The following MAGI3 variants were observed in gnomAD, a reference collection of about 807,000 sequenced individuals.
The protein encoded by MAGI3 is membrane associated guanylate kinase, WW and PDZ domain containing 3.
A neutral mutation model predicts 121.8 loss-of-function variants in MAGI3; 43 were observed. That is an observed-to-expected ratio of 0.35 (90% CI 0.28 to 0.46). The LOEUF is 0.46. Among genes scored for constraint, MAGI3 ranks in the 20% least tolerant of loss-of-function variants. MAGI3 has a pLI of 1.00. For missense variants in MAGI3, 1,547 were observed against 1,797.3 expected (o/e 0.86, Z 2.52); for synonymous variants, 553 against 639.3 (o/e 0.86, Z 2.04).
At chr1:113,453,853 G>A (rs990492163) in intron 1 of MAGI3, among the ~76,000 whole-genome samples, 6 of 152,346 alleles carry the variant, frequency 3.9e-5, no homozygotes, top group Admixed American at 1.3e-4. Flanking sequence ...AGAGCAACAC[G>A]CAATCTGATT....
At chr1:113,511,494 C>T (rs1004352173) in intron 1 of MAGI3, among the ~76,000 whole-genome samples, 7 of 152,194 alleles carry the variant, frequency 4.6e-5, no homozygotes, top group Non-Finnish European at 1.0e-4. Flanking sequence ...GCCACTCATA[C>T]CTGGTGTGGT....
intron 1 of MAGI3, among the ~76,000 whole-genome samples, chr1:113,398,915 C>T (rs928936134): frequency 2.0e-5 from 3 of 151,868 alleles, no homozygotes; most frequent in Non-Finnish European, 2.9e-5. Flanking sequence ...AGAAAAAAAT[C>T]TTAATTTACA....
chr1:113,623,316 T>A (rs182908108), intron 9 of MAGI3, among the ~76,000 whole-genome samples: 17 of 151,940 alleles, frequency 1.1e-4, no homozygotes, highest in African/African-American at 3.6e-4. Flanking sequence ...ACTCTTTTAG[T>A]TATAAAATAT....
chr1:113,628,999 A>AT (rs2101799268), intron 9 of MAGI3, among the ~76,000 whole-genome samples: 1 of 152,170 alleles, frequency 6.6e-6, no homozygotes, highest in Admixed American at 6.5e-5. Context: ...CCTTTGAATA[A>AT]ACTTTTTACC....
At chr1:113,630,163 AAGAC>A (rs1335752574) in intron 9 of MAGI3, among the ~76,000 whole-genome samples, 1 of 152,096 alleles carries the variant, frequency 6.6e-6, no homozygotes, top group Admixed American at 6.5e-5. Flanking sequence ...TTCAAACCAC[AAGAC>A]AGACAGAATT....
rs565034376 is a variant in MAGI3, at chr1:113,532,356, A to G, written c.317-17159A>G. Among the ~76,000 whole-genome samples, 5 of 151,396 alleles carry G rather than the reference A, an allele frequency of 3.3e-5. No homozygotes were observed. In the South Asian group the frequency reaches 1.0e-3, roughly 31 times the overall value. ...GTCTGCAAATTCCCTTTCAGTCAGT[A>G]TTTATATATATATTATCTTTGTCTT... On this transcript the variant is annotated intron_variant, in intron 1 of 20. Coordinates refer to ENST00000307546, the MANE Select transcript of MAGI3 (RefSeq NM_001142782.2).
intron 2 of MAGI3, among the ~76,000 whole-genome samples, chr1:113,557,058 G>C (rs1660023837): frequency 6.6e-6 from 1 of 152,168 alleles, no homozygotes. Flanking sequence ...AGCAGAGAGG[G>C]GTAGGCACCA....
rs767916506 is a variant in MAGI3, at chr1:113,623,005, T to G, written c.1360+11T>G. On this transcript the variant is annotated intron_variant, in intron 9 of 20. Transcript: ENST00000307546. ...GGAAAATTGCACCAGGTAAGAAATTTTTCATAATTATTTGAAGAGTAGTGA... is the reference window on the plus strand; with the variant it reads ...GGAAAATTGCACCAGGTAAGAAATTGTTCATAATTATTTGAAGAGTAGTGA... 2 of 1,496,196 alleles carry G rather than the reference T, an allele frequency of 1.3e-6. No individual in the cohort carries two copies. Among genetic ancestry groups the G allele is most frequent in the Admixed American group, 5.3e-5 (2 of 37,684 alleles). 92.7% of individuals were successfully genotyped at this position (1,496,196 alleles called of 1,614,324 possible). A position where few individuals can be genotyped will look rare whatever the true frequency, so the allele number is the denominator to read the frequency against.
intron 10 of MAGI3, 67 bp from the exon 11 acceptor site, chr1:113,643,676 A>C (rs370501669): frequency 6.9e-7 from 1 of 1,449,054 alleles, no homozygotes; most frequent in Non-Finnish European, 9.7e-7. Flanking sequence ...TATCGTAAAC[A>C]TTAGCAGTAT....
chr1:113,465,736 A>G (rs1655251836), intron 1 of MAGI3, among the ~76,000 whole-genome samples: 1 of 151,878 alleles, frequency 6.6e-6, no homozygotes, highest in Non-Finnish European at 1.5e-5. Flanking sequence ...GTTGATTCCC[A>G]GGATTTTATA....
In MAGI3 at chr1:113,614,584, AT is replaced by A. The variant is rs1317400355; in HGVS notation, c.1019-13del. ...AGTTTTGAATCTGGCATTTCACTCA[AT>A]TTTCTTTATTTACAGAGCTTCCTTA... On this transcript the variant is annotated splice_polypyrimidine_tract_variant and intron_variant, in intron 6 of 20. Coordinates refer to ENST00000307546, the MANE Select transcript of MAGI3 (RefSeq NM_001142782.2). 1.3e-6 allele frequency: 2 copies of A among 1,594,506 alleles called. No homozygotes were observed. Among genetic ancestry groups the A allele is most frequent in the South Asian group, 1.1e-5 (1 of 89,768 alleles).
At chr1:113,592,117 C>G (rs1182928907) in intron 5 of MAGI3, among the ~76,000 whole-genome samples, 2 of 151,832 alleles carry the variant, frequency 1.3e-5, no homozygotes, top group East Asian at 1.9e-4. Flanking sequence ...CATAGCAAAG[C>G]AAACAATCAA....
chr1:113,617,923 C>T (rs1455775599), intron 7 of MAGI3, among the ~76,000 whole-genome samples: 3 of 152,194 alleles, frequency 2.0e-5, no homozygotes, highest in African/African-American at 4.8e-5. Context: ...AAACAATGTC[C>T]AGTGGCACTT....
At chr1:113,439,965 G>C (rs1653830547) in intron 1 of MAGI3, among the ~76,000 whole-genome samples, 1 of 152,090 alleles carries the variant, frequency 6.6e-6, no homozygotes. Flanking sequence ...TGTAATTGAT[G>C]ATATGATCTT....
At chr1:113,421,500 T>A (rs915169194) in intron 1 of MAGI3, among the ~76,000 whole-genome samples, 6 of 152,232 alleles carry the variant, frequency 3.9e-5, no homozygotes, top group Non-Finnish European at 5.9e-5. Context: ...AATCCAGGCT[T>A]TAGAGCCTTC....
chr1:113,531,930 T>C (rs753231451), intron 1 of MAGI3, among the ~76,000 whole-genome samples: 92 of 152,228 alleles, frequency 6.0e-4, no homozygotes, highest in Non-Finnish European at 1.2e-3. Context: ...TCATCTGTTT[T>C]TATACATTGG....
At chr1:113,623,557 G>A (rs961566496) in intron 9 of MAGI3, among the ~76,000 whole-genome samples, 9 of 150,180 alleles carry the variant, frequency 6.0e-5, no homozygotes, top group South Asian at 2.1e-4. Flanking sequence ...GCGCGATCTC[G>A]GCTCACTGCA....
rs1570994234 is a variant in MAGI3 at position 113,646,589 on chromosome 1, A to G, written c.2102A>G (p.Lys701Arg). 2 of 1,613,252 alleles carry G rather than the reference A, an allele frequency of 1.2e-6. No homozygotes were observed. Among genetic ancestry groups the G allele is most frequent in the East Asian group, 4.5e-5 (2 of 44,852 alleles). Residue 701 changes from lysine (K) to arginine (R), a missense_variant, in exon 12 of 21, where the codon AAA becomes AGA. Transcript: ENST00000307546. Reference sequence around the variant, plus strand: ...AGCATTATCAGGTCAGGATCCCCAAAATTGGATCCTTCTGAGGTCTACCTG... The same window carrying G: ...AGCATTATCAGGTCAGGATCCCCAAGATTGGATCCTTCTGAGGTCTACCTG... ...PPSIIRSGSP[K>R]LDPSEVYLKS...
intron 1 of MAGI3, among the ~76,000 whole-genome samples, chr1:113,441,107 C>A (rs746787370): frequency 1.3e-5 from 2 of 152,096 alleles, no homozygotes; most frequent in Non-Finnish European, 2.9e-5. Context: ...GTCTCCTGCT[C>A]TTTTTGGAGA....
Sources: allele counts gnomAD v4.1 joint callset (sites outside exome capture counted in the v4.1 genomes callset), GRCh38; gene constraint gnomAD v4.1.1; transcripts MANE v1.5; gene names NCBI Gene and HGNC (gene_info 2026-07-23, HGNC 2026-07-21).